Variants in MDFIC2 observed in about 807,000 individuals in gnomAD.
The protein encoded by MDFIC2 is myoD family inhibitor domain-containing protein 2.
At chr3:70,243,677 C>T (rs529082434) in intron 2 of MDFIC2, among the ~76,000 whole-genome samples, 15 of 152,230 alleles carry the variant, frequency 9.9e-5, no homozygotes, top group Non-Finnish European at 1.5e-4. Context: ...CCTTCTCCAA[C>T]GTCTCCAGGT....
intron 2 of MDFIC2, among the ~76,000 whole-genome samples, chr3:70,260,706 A>G (rs1183809819): frequency 6.6e-6 from 1 of 152,024 alleles, no homozygotes; most frequent in East Asian, 1.9e-4. Flanking sequence ...CACCTGGGAT[A>G]CCTATAACTT....
intron 2 of MDFIC2, among the ~76,000 whole-genome samples, chr3:70,231,038 G>T (rs1156371582): frequency 6.6e-6 from 1 of 152,092 alleles, no homozygotes; most frequent in Non-Finnish European, 1.5e-5. Context: ...TCTTACCATC[G>T]CTCTGCATTT....
At chr3:70,200,295 C>T (rs748104571) in intron 3 of MDFIC2, among the ~76,000 whole-genome samples, 11 of 152,180 alleles carry the variant, frequency 7.2e-5, no homozygotes, top group Non-Finnish European at 1.2e-4. Context: ...AAACAACTCA[C>T]TCTCCCCTTA....
At chr3:70,275,288 C>T (rs534448543) in intron 2 of MDFIC2, among the ~76,000 whole-genome samples, 3 of 152,036 alleles carry the variant, frequency 2.0e-5, no homozygotes, top group South Asian at 2.1e-4. Context: ...TTTGGCAGGC[C>T]GAGGCAGGAG....
chr3:70,305,140 A>G (rs1486589157), intron 2 of MDFIC2, among the ~76,000 whole-genome samples: 1 of 152,206 alleles, frequency 6.6e-6, no homozygotes, highest in Non-Finnish European at 1.5e-5. Context: ...AAAGCTTCGA[A>G]ACAATTACCC....
At chr3:70,269,335 TA>T (rs1384036802) in intron 2 of MDFIC2, among the ~76,000 whole-genome samples, 1 of 152,208 alleles carries the variant, frequency 6.6e-6, no homozygotes, top group Non-Finnish European at 1.5e-5. Context: ...TAAAGGTTTC[TA>T]TGAATATACT....
At chr3:70,267,679 G>A (rs1360091112) in intron 2 of MDFIC2, among the ~76,000 whole-genome samples, 23 of 150,842 alleles carry the variant, frequency 1.5e-4, no homozygotes, top group Admixed American at 1.5e-3. Flanking sequence ...GCCTCCCAGA[G>A]TGCTGGGATT....
chr3:70,264,734 T>C (rs1701899637), intron 2 of MDFIC2, among the ~76,000 whole-genome samples: 1 of 152,204 alleles, frequency 6.6e-6, no homozygotes, highest in Admixed American at 6.5e-5. Flanking sequence ...GGACAAATAT[T>C]AAACAGGGAA....
chr3:70,251,427 A>G (rs1701767101), intron 2 of MDFIC2, among the ~76,000 whole-genome samples: 1 of 152,196 alleles, frequency 6.6e-6, no homozygotes, highest in African/African-American at 2.4e-5. Context: ...CAGATATATC[A>G]GGTATCTGTC....
intron 2 of MDFIC2, among the ~76,000 whole-genome samples, chr3:70,259,285 T>G (rs1701844211): frequency 6.6e-6 from 1 of 152,128 alleles, no homozygotes. Flanking sequence ...GGGAGAAAAC[T>G]GACATTTATC....
chr3:70,311,400 T>G (rs1702452328), intron 2 of MDFIC2, among the ~76,000 whole-genome samples: 1 of 152,224 alleles, frequency 6.6e-6, no homozygotes, highest in Non-Finnish European at 1.5e-5. Flanking sequence ...GCAACCATTT[T>G]ACGCATGCGG....
chr3:70,253,258 G>T (rs1195130420), intron 2 of MDFIC2, among the ~76,000 whole-genome samples: 1 of 152,174 alleles, frequency 6.6e-6, no homozygotes, highest in Non-Finnish European at 1.5e-5. Flanking sequence ...AGAAGTAATA[G>T]AGGGAGCCAT....
chr3:70,205,643 G>A (rs1476738065), intron 3 of MDFIC2: 1 of 151,996 alleles, frequency 6.6e-6, no homozygotes, highest in African/African-American at 2.4e-5. Context: ...TTTAAAAAAC[G>A]TGTCCAGTAC....
chr3:70,223,469 AT>A (rs1701477557), intron 2 of MDFIC2, among the ~76,000 whole-genome samples: 1 of 152,072 alleles, frequency 6.6e-6, no homozygotes, highest in Middle Eastern at 3.2e-3. Context: ...AAATGATTCC[AT>A]TTTTTCCTTC....
intron 2 of MDFIC2, among the ~76,000 whole-genome samples, chr3:70,245,393 A>T: frequency 6.6e-6 from 1 of 151,954 alleles, no homozygotes; most frequent in Non-Finnish European, 1.5e-5. Context: ...TTTTAATGCT[A>T]GTATAGATTT....
At chr3:70,269,414 C>G (rs1166290741) in intron 2 of MDFIC2, among the ~76,000 whole-genome samples, 1 of 152,156 alleles carries the variant, frequency 6.6e-6, no homozygotes, top group Non-Finnish European at 1.5e-5. Flanking sequence ...TGAGTTTTGG[C>G]CAATCAAAGG....
At position 70,280,764 on chromosome 3, in the gene MDFIC2, C is replaced by T. The variant is rs565451929; in HGVS notation, c.88+31122G>A. The stretch of plus-strand genomic sequence containing the variant: ...TTCCCCCGCCTTTCTGTGTAAAACC[C>T]GGCCATAGAGACATGATCTGACCTA... On this transcript the variant is annotated intron_variant, in intron 2 of 3. Transcript: ENST00000567252. Among the ~76,000 whole-genome samples, 24 of 152,178 alleles carry T rather than the reference C, an allele frequency of 1.6e-4. No homozygotes were observed. The South Asian group carries it at 3.1e-3, about 20-fold the overall frequency.
chr3:70,275,565 C>G (rs996246506), intron 2 of MDFIC2, among the ~76,000 whole-genome samples: 1 of 152,072 alleles, frequency 6.6e-6, no homozygotes, highest in East Asian at 1.9e-4. Context: ...GGAATTCAGT[C>G]CTTGGGACTG....
At chr3:70,240,350 T>C (rs1377890610) in intron 2 of MDFIC2, among the ~76,000 whole-genome samples, 1 of 152,008 alleles carries the variant, frequency 6.6e-6, no homozygotes, top group Non-Finnish European at 1.5e-5. Flanking sequence ...TTTTTTTTAA[T>C]CTCTCCACTT....
Sources: gnomAD v4.1 joint callset for allele counts (sites outside exome capture counted in the v4.1 genomes callset) on GRCh38, gnomAD v4.1.1 for gene constraint, MANE v1.5 for transcripts, NCBI Gene and HGNC (gene_info 2026-07-23, HGNC 2026-07-21) for gene names.